GANC: variants seen among roughly 807,000 people sequenced by gnomAD.
The protein encoded by GANC is neutral alpha-glucosidase C.
GANC carries 117 observed loss-of-function variants against 124.2 expected under a neutral mutation model. The observed-to-expected ratio is 0.94, with a 90% CI of 0.81 to 1.10. GANC has a LOEUF of 1.10. Among genes scored for constraint, GANC ranks in the 50% least tolerant of loss-of-function variants. The pLI is 0.00. For missense variants in GANC, 1,140 were observed against 1,095.0 expected, an observed-to-expected ratio of 1.04 and a Z score of -0.58; for synonymous variants, 377 against 376.8, an observed-to-expected ratio of 1.00 and a Z score of -0.01.
At chr15:42,325,755 T>G (rs2052193872) in intron 11 of GANC, among the ~76,000 whole-genome samples, 1 of 152,060 alleles carries the variant, frequency 6.6e-6, no homozygotes, top group Non-Finnish European at 1.5e-5. Flanking sequence ...GTTTTTTTGT[T>G]TTTGTTTTTT....
rs7180279 is a variant in GANC at position 42,351,340 on chromosome 15, A to G, written c.2543A>G (p.Gln848Arg). 0.069 allele frequency: 111,276 copies of G among 1,611,080 alleles called. 5,705 individuals are homozygous for G. The highest frequency in any genetic ancestry group is 0.24 in the Admixed American group (14,249 of 59,954). Residue 848 changes from glutamine (Q) to arginine (R), a missense_variant, in exon 23 of 24, where the codon CAG becomes CGG. By Grantham distance (43) the Gln-to-Arg change is conservative. Transcript: ENST00000318010. ...TGTATCTATTCCAGTTTTGCTGACC[A>G]GAGGGGTCATTATCCCAGCAAGTGT... ...SSVLINSFAD[Q>R]RGHYPSKCVV...
chr15:42,335,528 T>G (rs566596560), intron 15 of GANC, among the ~76,000 whole-genome samples: 1 of 152,342 alleles, frequency 6.6e-6, no homozygotes, highest in South Asian at 2.1e-4. Flanking sequence ...GGGCAAAAGC[T>G]GGAAGCATTC....
intron 6 of GANC, among the ~76,000 whole-genome samples, chr15:42,302,316 A>G (rs1186902432): frequency 1.3e-5 from 2 of 152,200 alleles, no homozygotes; most frequent in African/African-American, 4.8e-5. Flanking sequence ...ACATCAACAA[A>G]AAGGACGTCC....
In GANC at chr15:42,347,957, T is replaced by G. The variant is rs577055067; in HGVS notation, c.2305-146T>G. On this transcript the variant is annotated intron_variant, in intron 20 of 23. Transcript: ENST00000318010. ...TCCTTTTAATGCCAGGACCCCCATA[T>G]TTGCCATCTCTGTGCCCCAAAATTT... 2.2e-4 allele frequency: 117 copies of G among 525,186 alleles called. No individual in the cohort carries two copies. The South Asian group carries it at 3.4e-3, about 15-fold the overall frequency. The allele number at this position is 525,186 out of a possible 1,614,324, so 32.5% of individuals were successfully genotyped here.
chr15:42,291,631 CCCTGATTT>C lies in GANC; in HGVS notation c.330-1102_330-1095del, dbSNP rs1595765678. 2.0e-5 allele frequency among the ~76,000 whole-genome samples: 3 copies of C among 152,210 alleles called. No individual in the cohort carries two copies. The East Asian group carries it at 5.8e-4, about 29-fold the overall frequency. On this transcript the variant is annotated intron_variant, in intron 4 of 23. Coordinates refer to ENST00000318010, the MANE Select transcript of GANC (RefSeq NM_198141.3). ...GGAAATGATGCCGTTAAAATGGTCTCCCTGATTTCAGTGGAGATAATGAGACTCCAGGT... is the reference window on the plus strand; with the variant it reads ...GGAAATGATGCCGTTAAAATGGTCTCCAGTGGAGATAATGAGACTCCAGGT...
chr15:42,287,925 C>T, intron 4 of GANC, 107 bp downstream of exon 4: 1 of 1,125,200 alleles, frequency 8.9e-7, no homozygotes. Flanking sequence ...CTGCTCAAAA[C>T]TACAGTCATT....
chr15:42,335,224 C>G (rs1194193737), intron 15 of GANC, among the ~76,000 whole-genome samples: 1 of 152,134 alleles, frequency 6.6e-6, no homozygotes, highest in Non-Finnish European at 1.5e-5. Context: ...CAACAAAATA[C>G]TGGCAGACTG....
rs529923734 is a variant in GANC, at chr15:42,336,155, A to G, written c.1742-2234A>G. Among the ~76,000 whole-genome samples, 3 of 148,048 alleles carry G rather than the reference A, an allele frequency of 2.0e-5. No homozygotes were observed. In the South Asian group the frequency reaches 6.3e-4, roughly 31 times the overall value. On this transcript the variant is annotated intron_variant, in intron 15 of 23. Coordinates refer to ENST00000318010, the MANE Select transcript of GANC (RefSeq NM_198141.3). Reference sequence around the variant, plus strand: ...ATTGAACCAAAAAAAAAAAAGAAAAAAAAAAGAGCCTGAATAACCAAGGCA... The same window carrying G: ...ATTGAACCAAAAAAAAAAAAGAAAAGAAAAAGAGCCTGAATAACCAAGGCA...
At chr15:42,308,465 T>G (rs907717490) in intron 8 of GANC, 147 bp downstream of exon 8, 1 of 540,356 alleles carries the variant, frequency 1.9e-6, no homozygotes, top group African/African-American at 1.9e-5. Flanking sequence ...GAACCCTCCT[T>G]GAATGATCAC....
intron 6 of GANC, among the ~76,000 whole-genome samples, chr15:42,298,707 T>G (rs1337900855): frequency 1.3e-5 from 2 of 152,208 alleles, no homozygotes; most frequent in Admixed American, 6.5e-5. Context: ...GATGGAATGT[T>G]TTATCATTTG....
At chr15:42,340,928 G>T (rs1482131016) in intron 18 of GANC, among the ~76,000 whole-genome samples, 174 bp downstream of exon 18, 1 of 151,722 alleles carries the variant, frequency 6.6e-6, no homozygotes, top group Non-Finnish European at 1.5e-5. Context: ...ACCATGCCCG[G>T]CTAATTTTTG....
At chr15:42,294,058 AC>A (rs2051868410) in intron 5 of GANC, among the ~76,000 whole-genome samples, 1 of 151,476 alleles carries the variant, frequency 6.6e-6, no homozygotes, top group Admixed American at 6.6e-5. Context: ...CTCAAAACAA[AC>A]AAACAAAAAA....
At chr15:42,285,320 G>A (rs567850471) in intron 3 of GANC, among the ~76,000 whole-genome samples, 15 of 152,190 alleles carry the variant, frequency 9.9e-5, no homozygotes, top group African/African-American at 3.6e-4. Flanking sequence ...CTCTAAGGTG[G>A]GACACTGAGC....
intron 15 of GANC, among the ~76,000 whole-genome samples, chr15:42,337,558 A>C (rs2052292350): frequency 6.6e-6 from 1 of 152,246 alleles, no homozygotes; most frequent in East Asian, 1.9e-4. Flanking sequence ...GGCCTACCTG[A>C]GAATAGAGGG....
intron 8 of GANC, 74 bp downstream of exon 8, chr15:42,308,392 G>C: frequency 2.1e-6 from 2 of 956,822 alleles, no homozygotes; most frequent in Non-Finnish European, 1.7e-6. Context: ...TTTGTGAGCT[G>C]TCTGAGCCAG....
Position 42,327,896 on chromosome 15 carries a change from C to T in GANC, c.1500+454C>T, listed in dbSNP as rs530389628. On this transcript the variant is annotated intron_variant, in intron 13 of 23. Coordinates refer to ENST00000318010, the MANE Select transcript of GANC (RefSeq NM_198141.3). ...CCACATCTGGAGAACTGTTTTCAAC[C>T]AATTATGATGATATTAATGATGGCA... Among the ~76,000 whole-genome samples the T allele has an allele frequency of 3.3e-5, 5 of 152,096 alleles. No homozygotes were observed. In the South Asian group the frequency reaches 1.0e-3, roughly 32 times the overall value.
intron 10 of GANC, among the ~76,000 whole-genome samples, chr15:42,311,105 C>A (rs537789991): frequency 6.6e-6 from 1 of 152,324 alleles, no homozygotes; most frequent in East Asian, 1.9e-4. Context: ...TGGGCTATCT[C>A]TACCTTTATC....
In GANC at chr15:42,306,542, A is replaced by C; in HGVS notation, c.559-4A>C. The C allele has an allele frequency of 6.2e-7, 1 of 1,608,864 alleles. No homozygotes were observed. Among genetic ancestry groups the C allele is most frequent in the South Asian group, 1.1e-5 (1 of 90,336 alleles). On this transcript the variant is annotated splice_polypyrimidine_tract_variant and splice_region_variant and intron_variant, in intron 6 of 23. Transcript: ENST00000318010. ...TCAGTTTGCTCCCTTTTTTGTACCA[A>C]CAGGAAAATCAAGAAGATCTGGGCC...
chr15:42,322,983 A>G (rs751364313), intron 11 of GANC, among the ~76,000 whole-genome samples: 1 of 152,242 alleles, frequency 6.6e-6, no homozygotes, highest in Non-Finnish European at 1.5e-5. Flanking sequence ...GGCTTTTCAC[A>G]GACAGCCAGA....
Sources: gnomAD v4.1 joint callset for allele counts (sites outside exome capture counted in the v4.1 genomes callset) on GRCh38, gnomAD v4.1.1 for gene constraint, MANE v1.5 for transcripts, NCBI Gene and HGNC (gene_info 2026-07-23, HGNC 2026-07-21) for gene names.